Variants in CRYBG1 observed in about 807,000 individuals in gnomAD.
CRYBG1 encodes the protein crystallin beta-gamma domain containing 1.
In CRYBG1, 139 loss-of-function variants were observed where a neutral mutation model predicts 189.2. The ratio of observed to expected loss-of-function variants is 0.73; its 90% CI spans 0.64 to 0.85. The LOEUF is 0.85. CRYBG1 is among the 40% of genes least tolerant of loss of function. The pLI is 0.00. For missense variants in CRYBG1, 2,611 were observed against 2,675.8 expected, an observed-to-expected ratio of 0.98 and a Z score of 0.53; for synonymous variants, 1,023 against 1,017.1, an observed-to-expected ratio of 1.01 and a Z score of -0.11.
chr6:106,440,330 T>C (rs930900809), intron 1 of CRYBG1, among the ~76,000 whole-genome samples: 4 of 151,966 alleles, frequency 2.6e-5, no homozygotes, highest in Admixed American at 1.3e-4. Context: ...AGTGGCATGA[T>C]CTTGGCTCAC....
At chr6:106,417,642 C>T (rs1290811626) in intron 1 of CRYBG1, among the ~76,000 whole-genome samples, 1 of 152,224 alleles carries the variant, frequency 6.6e-6, no homozygotes, top group African/African-American at 2.4e-5. Context: ...TCTCTCAGCC[C>T]CTTTGCTGGA....
At chr6:106,402,797 T>A (rs1770745951) in intron 1 of CRYBG1, among the ~76,000 whole-genome samples, 1 of 152,074 alleles carries the variant, frequency 6.6e-6, no homozygotes, top group Admixed American at 6.5e-5. Context: ...GCCCTTGATC[T>A]ATGGCCTGAA....
intron 2 of CRYBG1, among the ~76,000 whole-genome samples, chr6:106,452,421 CAAA>C (rs33972717): frequency 0.037 from 4,625 of 125,494 alleles, 91 homozygotes; most frequent in Non-Finnish European, 0.055. Flanking sequence ...GAGACTGTCT[CAAA>C]AAAAAAAAAA....
At chr6:106,553,757 C>A (rs1177594645) in intron 16 of CRYBG1, among the ~76,000 whole-genome samples, 190 bp downstream of exon 16, 1 of 152,164 alleles carries the variant, frequency 6.6e-6, no homozygotes, top group African/African-American at 2.4e-5. Context: ...GTTGGAGAAG[C>A]TGAAGATCAT....
At chr6:106,422,344 A>ATTTATTTTTTTT (rs57640822) in intron 1 of CRYBG1, among the ~76,000 whole-genome samples, 53 of 139,970 alleles carry the variant, frequency 3.8e-4, no homozygotes, top group South Asian at 7.5e-4. Context: ...TTATTTATTT[A>ATTTATTTTTTTT]TTTTTGAGAC....
In CRYBG1 at chr6:106,360,872, C is replaced by T; in HGVS notation, c.-37C>T. 2 of 1,503,850 alleles carry T rather than the reference C, an allele frequency of 1.3e-6. No individual in the cohort carries two copies. The highest frequency in any genetic ancestry group is 1.2e-5 in the South Asian group (1 of 80,956). 93.2% of individuals were successfully genotyped at this position (1,503,850 alleles called of 1,614,324 possible). ...ATAGGGCCCGGGCGGCAGAGAGGACCGCGTCCCGGCAGTCGGAGCGGGAGG... is the reference window on the plus strand; with the variant it reads ...ATAGGGCCCGGGCGGCAGAGAGGACTGCGTCCCGGCAGTCGGAGCGGGAGG... On this transcript the variant is annotated 5_prime_UTR_variant, in exon 1 of 22. Transcript: ENST00000633556.
At chr6:106,428,790 C>T (rs1270271905) in intron 1 of CRYBG1, among the ~76,000 whole-genome samples, 1 of 152,174 alleles carries the variant, frequency 6.6e-6, no homozygotes, top group Non-Finnish European at 1.5e-5. Context: ...AGTTCATTGT[C>T]ATTTCTGTGC....
chr6:106,521,419 T>C lies in CRYBG1; in HGVS notation c.4211T>C (p.Ile1404Thr). 3 of 1,589,006 alleles carry C rather than the reference T, an allele frequency of 1.9e-6. No homozygotes were observed. The highest frequency in any genetic ancestry group is 2.6e-6 in the Non-Finnish European group (3 of 1,171,088). ...LFKSSRYDPS[I>T]SFSGMSLSDT... ...AAATCAAGCCGGTATGACCCAAGCA[T>C]TTCTTTTTCTGGAATGTCATTATCA... Residue 1404 changes from isoleucine (I) to threonine (T), a missense_variant, in exon 4 of 22, where the codon ATT (isoleucine) becomes ACT (threonine). This residue lies in a region of CRYBG1 where 1,622 missense variants were observed against 1,735.0 expected (regional missense o/e 0.93). Transcript: ENST00000633556.
At chr6:106,372,541 C>T (rs770807753) in intron 1 of CRYBG1, among the ~76,000 whole-genome samples, 7 of 152,180 alleles carry the variant, frequency 4.6e-5, no homozygotes, top group Admixed American at 3.3e-4. Flanking sequence ...CGTGAGCCAC[C>T]GTGCCTGGCC....
Position 106,377,621 on chromosome 6 carries a change from T to TTATATATATATATATATATATATA in CRYBG1, c.173+16544_173+16567dup, listed in dbSNP as rs373644273. ...TGTGTAACTCATAAGTCCTAAGGTT[T>TTATATATATATATATATATATATA]TATATATATATATATATATATATAT... is the stretch of plus-strand genomic sequence containing the variant. On this transcript the variant is annotated intron_variant, in intron 1 of 21. Transcript: ENST00000633556. Among the ~76,000 whole-genome samples the TTATATATATATATATATATATATA allele has an allele frequency of 5.0e-3, 348 of 69,380 alleles. 17 individuals carry two copies. Among genetic ancestry groups the TTATATATATATATATATATATATA allele is most frequent in the Middle Eastern group, 9.4e-3 (1 of 106 alleles). The allele number at this position is 69,380 out of a possible 152,430, so 45.5% of individuals were successfully genotyped here.
chr6:106,467,679 T>C (rs1772141192), intron 2 of CRYBG1, among the ~76,000 whole-genome samples: 1 of 151,902 alleles, frequency 6.6e-6, no homozygotes. Flanking sequence ...AAGAACAAAT[T>C]AGAAAGAGAA....
rs145583954 is a variant in CRYBG1, at chr6:106,482,503, T to C, written c.313-28927T>C. 5.7e-3 allele frequency among the ~76,000 whole-genome samples: 860 copies of C among 152,138 alleles called. 7 individuals are homozygous for C. The highest frequency in any genetic ancestry group is 0.017 in the African/African-American group (691 of 41,542). On this transcript the variant is annotated intron_variant, in intron 2 of 21. Transcript: ENST00000633556. ...ATCTTAGAATTCTTCTGGCCAGGCA[T>C]GGTGGCTCACGCCTATAATCCCAGC...
In CRYBG1 at chr6:106,474,926, T is replaced by G. The variant is rs115139644; in HGVS notation, c.312+23094T>G. Among the ~76,000 whole-genome samples the G allele has an allele frequency of 8.8e-3, 1,343 of 152,320 alleles. 18 individuals carry two copies. Among genetic ancestry groups the G allele is most frequent in the African/African-American group, 0.03 (1,256 of 41,566 alleles). ...GGTATGTGAGCTTCCACTTATGTTC[T>G]TATTTCCCTTTTGCCACCAATGTTG... On this transcript the variant is annotated intron_variant, in intron 2 of 21. Transcript: ENST00000633556.
intron 1 of CRYBG1, among the ~76,000 whole-genome samples, chr6:106,417,663 G>A (rs1441115051): frequency 6.6e-6 from 1 of 152,256 alleles, no homozygotes; most frequent in East Asian, 1.9e-4. Context: ...CTCGCAGCAG[G>A]TGCATCCTGT....
Position 106,512,185 on chromosome 6 carries a change from C to T in CRYBG1, c.1068C>T (p.Ser356=). 6.5e-7 allele frequency: 1 copy of T among 1,535,290 alleles called. No homozygotes were observed. Among genetic ancestry groups the T allele is most frequent in the Non-Finnish European group, 8.7e-7 (1 of 1,146,354 alleles). Residue 356 remains serine (S), a synonymous_variant, in exon 3 of 22, where the codon AGC becomes AGT. Coordinates refer to ENST00000633556, the MANE Select transcript of CRYBG1 (RefSeq NM_001371242.2). ...PPAEGAAHTA[S]SAQADCTARP... is the part of the protein sequence containing the mutation. ...CCGAGGGCGCAGCGCACACGGCCAG[C>T]TCCGCGCAGGCAGACTGCACAGCCC...
chr6:106,509,808 C>T (rs771838642), intron 2 of CRYBG1, among the ~76,000 whole-genome samples: 2 of 151,938 alleles, frequency 1.3e-5, no homozygotes, highest in African/African-American at 4.8e-5. Flanking sequence ...CTGCTCTGAC[C>T]GCCTCTCCCC....
rs544726030 is a variant in CRYBG1, at chr6:106,571,753, C to T, written c.*3187C>T. Reference sequence around the variant, plus strand: ...AAACAGAAGGTGCCACAACAACCTGCAAAGCCAGTGTGAAGGAACAGCTTG... The same window carrying T: ...AAACAGAAGGTGCCACAACAACCTGTAAAGCCAGTGTGAAGGAACAGCTTG... On this transcript the variant is annotated 3_prime_UTR_variant, in exon 22 of 22. Transcript: ENST00000633556. 4.6e-6 allele frequency: 2 copies of T among 435,666 alleles called. No homozygotes were observed. Among genetic ancestry groups the T allele is most frequent in the Middle Eastern group, 6.8e-4 (1 of 1,468 alleles). 27.0% of individuals were successfully genotyped at this position (435,666 alleles called of 1,614,324 possible). A position where few individuals can be genotyped will look rare whatever the true frequency, so the allele number is the denominator to read the frequency against.
chr6:106,490,359 G>C lies in CRYBG1; in HGVS notation c.313-21071G>C, dbSNP rs144258249. On this transcript the variant is annotated intron_variant, in intron 2 of 21. Coordinates refer to ENST00000633556, the MANE Select transcript of CRYBG1 (RefSeq NM_001371242.2). ...AGAAAATTCTGTAGCTTAGTTTAGG[G>C]GGGAGCAGTTCACCAGGTAGGCTAT... Among the ~76,000 whole-genome samples the C allele has an allele frequency of 1.7e-3, 253 of 152,318 alleles. 1 individual carries two copies. The highest frequency in any genetic ancestry group is 0.01 in the Middle Eastern group (3 of 294).
At chr6:106,524,717 G>A (rs1175143374) in intron 4 of CRYBG1, among the ~76,000 whole-genome samples, 2 of 152,204 alleles carry the variant, frequency 1.3e-5, no homozygotes, top group Non-Finnish European at 2.9e-5. Flanking sequence ...GATAGGGTAT[G>A]TATATGAACA....
Sources: gnomAD v4.1 joint callset for allele counts (sites outside exome capture counted in the v4.1 genomes callset) on GRCh38, gnomAD v4.1.1 for gene constraint, gnomAD v4.1.1 regional missense constraint, MANE v1.5 for transcripts, NCBI Gene and HGNC (gene_info 2026-07-23, HGNC 2026-07-21) for gene names.